Variants in LRBA observed in about 807,000 individuals in gnomAD.
The protein encoded by LRBA is lipopolysaccharide-responsive and beige-like anchor protein.
In LRBA, 176 loss-of-function variants were observed where a neutral mutation model predicts 330.0. That is an observed-to-expected ratio of 0.53 (90% confidence interval 0.47 to 0.60). The LOEUF (loss-of-function observed/expected upper bound fraction) is 0.60. Among genes scored for constraint, LRBA ranks in the 20% least tolerant of loss-of-function variants. The pLI, the probability that LRBA is intolerant of heterozygous loss-of-function variation, is 0.00. For synonymous variants in LRBA, 1,230 were observed against 1,193.0 expected, an observed-to-expected ratio of 1.03 and a Z score of -0.64; for missense variants, 3,259 against 3,444.8, an observed-to-expected ratio of 0.95 and a Z score of 1.35.
At chr4:150,414,391 T>C (rs1412798772) in intron 47 of LRBA, among the ~76,000 whole-genome samples, 2 of 152,238 alleles carry the variant, frequency 1.3e-5, no homozygotes, top group Admixed American at 6.5e-5. Flanking sequence ...AAAAATGCAA[T>C]AATTTTCCTT....
At chr4:150,331,246 T>C (rs1210608893) in intron 48 of LRBA, among the ~76,000 whole-genome samples, 1 of 152,114 alleles carries the variant, frequency 6.6e-6, no homozygotes, top group Non-Finnish European at 1.5e-5. Flanking sequence ...TATAGAGCAA[T>C]AAAAAATTTA....
At chr4:150,290,645 A>G (rs898862637) in intron 53 of LRBA, among the ~76,000 whole-genome samples, 17 of 152,202 alleles carry the variant, frequency 1.1e-4, no homozygotes, top group Admixed American at 2.6e-4. Context: ...TTCAAAGGAA[A>G]GGGTGTCTTT....
intron 37 of LRBA, among the ~76,000 whole-genome samples, chr4:150,613,057 G>C (rs1030508961): frequency 6.6e-6 from 1 of 152,136 alleles, no homozygotes; most frequent in East Asian, 1.9e-4. Context: ...CGGTCCAATA[G>C]AAAATGAGAT....
chr4:150,377,992 T>C (rs1414819945), intron 47 of LRBA, among the ~76,000 whole-genome samples: 3 of 151,488 alleles, frequency 2.0e-5, no homozygotes, highest in African/African-American at 7.3e-5. Flanking sequence ...AAAAATGCCT[T>C]GTCCTTGTTG....
chr4:150,931,304 A>T (rs186213900), intron 2 of LRBA, among the ~76,000 whole-genome samples: 90 of 151,756 alleles, frequency 5.9e-4, no homozygotes, highest in South Asian at 2.9e-3. Flanking sequence ...AAAAAGATTT[A>T]AAAAAAGGCA....
intron 25 of LRBA, among the ~76,000 whole-genome samples, 159 bp from the exon 26 acceptor site, chr4:150,849,157 G>A (rs1373736548): frequency 6.6e-6 from 1 of 152,036 alleles, no homozygotes; most frequent in East Asian, 1.9e-4. Flanking sequence ...AAAAGGGTGG[G>A]GGATGAGGAG....
intron 36 of LRBA, among the ~76,000 whole-genome samples, chr4:150,725,700 T>C (rs913292086): frequency 1.3e-5 from 2 of 152,138 alleles, no homozygotes; most frequent in African/African-American, 4.8e-5. Context: ...TAGTATTACA[T>C]TGTAATTGGA....
At chr4:150,911,869 C>T (rs1242171688) in intron 9 of LRBA, among the ~76,000 whole-genome samples, 1 of 152,094 alleles carries the variant, frequency 6.6e-6, no homozygotes, top group African/African-American at 2.4e-5. Context: ...AATCTCCTTA[C>T]TAGCTATAGG....
rs766920423 is a variant in LRBA at position 150,286,021 on chromosome 4, A to T, written c.8031T>A (p.Ala2677=). The T allele has an allele frequency of 6.3e-7, 1 of 1,577,366 alleles. No homozygotes were observed. The highest frequency in any genetic ancestry group is 8.6e-7 in the Non-Finnish European group (1 of 1,161,112). Residue 2677 remains alanine (A), a synonymous_variant, in exon 54 of 57, where the codon GCT becomes GCA. Transcript: ENST00000651943. ...IGDNPGSETA[A]PRAILTGHDY... Reference sequence around the variant, plus strand: ...CATGGCCGGTCAAAATGGCCCGAGGAGCAGCAGTCTCACCTTTAGGAAAAA... The same window carrying T: ...CATGGCCGGTCAAAATGGCCCGAGGTGCAGCAGTCTCACCTTTAGGAAAAA...
rs1423777147 is a variant in LRBA, at chr4:150,590,852, A to T, written c.6054T>A (p.Asp2018Glu). The change falls in exon 39 of 57, where the codon GAT (aspartate) becomes GAA (glutamate). Residue 2018 changes from aspartate to glutamate, a missense_variant. Coordinates refer to ENST00000651943, the MANE Select transcript of LRBA (RefSeq NM_001364905.1). ...TLKTAVEHAT[D>E]EDILAKGKQS... is the part of the protein sequence containing the mutation. The stretch of plus-strand genomic sequence containing the variant: ...GTTTTCCTTTAGCAAGGATATCTTC[A>T]TCTGTGGCTGAAATGAAAAGGAAAC... 5 of 1,613,678 alleles carry T rather than the reference A, an allele frequency of 3.1e-6. No homozygotes were observed. The African/African-American group carries it at 6.7e-5, about 22-fold the overall frequency.
In LRBA at chr4:150,475,693, G is replaced by A. The variant is rs1178945198; in HGVS notation, c.6552-3954C>T. The stretch of plus-strand genomic sequence containing the variant: ...GGGAGGATCACTTGAGCCCAAGTTC[G>A]AGGCCAGCCTGAGCAACATAGGAAG... On this transcript the variant is annotated intron_variant, in intron 42 of 56. Coordinates refer to ENST00000651943, the MANE Select transcript of LRBA (RefSeq NM_001364905.1). Among the ~76,000 whole-genome samples, 4 of 151,132 alleles carry A rather than the reference G, an allele frequency of 2.6e-5. No homozygotes were observed. The East Asian group carries it at 5.8e-4, about 22-fold the overall frequency.
At chr4:150,616,927 T>C (rs1045138365) in intron 37 of LRBA, among the ~76,000 whole-genome samples, 5 of 152,172 alleles carry the variant, frequency 3.3e-5, no homozygotes, top group Admixed American at 6.6e-5. Context: ...GAAATATAAT[T>C]TGAAAAGATA....
intron 56 of LRBA, among the ~76,000 whole-genome samples, chr4:150,267,121 A>G (rs775984964): frequency 1.3e-5 from 2 of 152,230 alleles, no homozygotes; most frequent in Non-Finnish European, 2.9e-5. Context: ...CCCCACTTTC[A>G]ATAATGGGTG....
chr4:150,973,925 A>G (rs566087374), intron 2 of LRBA, among the ~76,000 whole-genome samples: 1 of 152,350 alleles, frequency 6.6e-6, no homozygotes, highest in South Asian at 2.1e-4. Context: ...GAATCTATCA[A>G]CACACATTAA....
chr4:150,295,863 T>G (rs1017353617), intron 53 of LRBA, among the ~76,000 whole-genome samples: 3 of 152,240 alleles, frequency 2.0e-5, no homozygotes, highest in Admixed American at 2.0e-4. Context: ...ACTAATGTGC[T>G]TCTTTTTTCC....
intron 34 of LRBA, among the ~76,000 whole-genome samples, chr4:150,771,186 G>T (rs1037321967): frequency 5.3e-5 from 8 of 152,150 alleles, no homozygotes; most frequent in Admixed American, 1.3e-4. Flanking sequence ...TTGCTATTGG[G>T]TCACTAGAGG....
chr4:150,816,432 C>G (rs1376669413), intron 31 of LRBA, among the ~76,000 whole-genome samples: 1 of 151,750 alleles, frequency 6.6e-6, no homozygotes, highest in African/African-American at 2.4e-5. Context: ...TCAAGTTTAC[C>G]CAGTATCACC....
intron 40 of LRBA, among the ~76,000 whole-genome samples, chr4:150,549,308 GCTTT>G (rs1766262170): frequency 6.7e-6 from 1 of 149,738 alleles, no homozygotes; most frequent in Non-Finnish European, 1.5e-5. Flanking sequence ...AATAATTGTT[GCTTT>G]ATTTTATTTT....
At chr4:150,499,336 T>C (rs1759962079) in intron 40 of LRBA, among the ~76,000 whole-genome samples, 6 of 152,202 alleles carry the variant, frequency 3.9e-5, no homozygotes, top group Admixed American at 3.9e-4. Flanking sequence ...TGTTGCTGAA[T>C]TAAGCTATAA....
Sources: allele counts gnomAD v4.1 joint callset (sites outside exome capture counted in the v4.1 genomes callset), GRCh38; gene constraint gnomAD v4.1.1; transcripts MANE v1.5; gene names NCBI Gene and HGNC (gene_info 2026-07-23, HGNC 2026-07-21).